The following SLC39A12 variants were observed in gnomAD, a reference collection of about 807,000 sequenced individuals.
SLC39A12 encodes the protein solute carrier family 39 member 12.
Under a neutral mutation model 71.1 loss-of-function variants are expected in SLC39A12, and 63 were observed. The ratio of observed to expected loss-of-function variants is 0.89; its 90% CI spans 0.72 to 1.09. SLC39A12 has a LOEUF of 1.09. Ranked by LOEUF, SLC39A12 falls within the 50% of genes least tolerant of loss-of-function variation. The pLI, the probability that SLC39A12 is intolerant of heterozygous loss-of-function variation, is 0.00. For synonymous variants in SLC39A12, 351 were observed against 301.3 expected, an observed-to-expected ratio of 1.16 and a Z score of -1.71; for missense variants, 892 against 812.6, an observed-to-expected ratio of 1.10 and a Z score of -1.19.
In SLC39A12 at chr10:17,970,903, G is replaced by T. The variant is rs190993141; in HGVS notation, c.751+5213G>T. On this transcript the variant is annotated intron_variant, in intron 4 of 12. Transcript: ENST00000377369. ...CCAGATCTGAGAGAAAGGGCTTTCA[G>T]TTTGTTCTCATTCATTATGATACTA... Among the ~76,000 whole-genome samples the T allele has an allele frequency of 1.3e-3, 191 of 152,122 alleles. 1 individual carries two copies. The highest frequency in any genetic ancestry group is 4.4e-3 in the African/African-American group (183 of 41,496).
At chr10:18,018,377 T>G (rs1836440707) in intron 12 of SLC39A12, among the ~76,000 whole-genome samples, 1 of 152,208 alleles carries the variant, frequency 6.6e-6, no homozygotes, top group South Asian at 2.1e-4. Context: ...TTTATTTCCA[T>G]TTCTTGTCTT....
chr10:18,035,969 G>C (rs1395033413), intron 12 of SLC39A12, among the ~76,000 whole-genome samples: 1 of 152,172 alleles, frequency 6.6e-6, no homozygotes, highest in Non-Finnish European at 1.5e-5. Context: ...CGGGGGTCAG[G>C]GGTCAGGGAC....
intron 4 of SLC39A12, among the ~76,000 whole-genome samples, chr10:17,967,698 A>G (rs1054726019): frequency 2.0e-5 from 3 of 151,742 alleles, no homozygotes; most frequent in Non-Finnish European, 4.4e-5. Flanking sequence ...CCTGGCTAAC[A>G]CGGTGAAACC....
intron 12 of SLC39A12, among the ~76,000 whole-genome samples, chr10:18,038,383 G>A (rs1184623052): frequency 6.6e-6 from 1 of 152,070 alleles, no homozygotes; most frequent in Non-Finnish European, 1.5e-5. Context: ...TAAAAATTTG[G>A]GACAATTTTG....
intron 4 of SLC39A12, among the ~76,000 whole-genome samples, chr10:17,973,770 G>A (rs1237618632): frequency 6.6e-6 from 1 of 151,980 alleles, no homozygotes; most frequent in Non-Finnish European, 1.5e-5. Context: ...GGATATTGAT[G>A]GCTTTCTTTA....
chr10:18,040,319 G>A (rs1053270734), intron 12 of SLC39A12, among the ~76,000 whole-genome samples: 2 of 152,174 alleles, frequency 1.3e-5, no homozygotes, highest in African/African-American at 4.8e-5. Flanking sequence ...CAGGAGAGCA[G>A]TTCTGGATCC....
intron 12 of SLC39A12, among the ~76,000 whole-genome samples, chr10:18,006,746 C>T (rs112483008): frequency 2.6e-5 from 4 of 152,226 alleles, no homozygotes; most frequent in African/African-American, 9.6e-5. Flanking sequence ...ACTGGCCCTG[C>T]CAGCATTATC....
intron 4 of SLC39A12, among the ~76,000 whole-genome samples, chr10:17,971,865 T>G (rs1834983482): frequency 6.6e-6 from 1 of 152,162 alleles, no homozygotes; most frequent in Admixed American, 6.5e-5. Flanking sequence ...TTTCTTTGCT[T>G]CTACTCATTT....
intron 10 of SLC39A12, among the ~76,000 whole-genome samples, chr10:17,997,264 G>A (rs1191234138): frequency 2.0e-5 from 3 of 152,168 alleles, no homozygotes; most frequent in Non-Finnish European, 2.9e-5. Flanking sequence ...AGCTTGGGAT[G>A]TAGTCAGGGA....
intron 6 of SLC39A12, among the ~76,000 whole-genome samples, chr10:17,983,484 C>T (rs913043033): frequency 7.2e-5 from 11 of 151,810 alleles, no homozygotes; most frequent in Non-Finnish European, 1.5e-5. Flanking sequence ...GAGACCCTGT[C>T]TTAAAAACAA....
intron 12 of SLC39A12, among the ~76,000 whole-genome samples, chr10:18,041,891 A>G (rs912803985): frequency 6.7e-5 from 10 of 148,308 alleles, no homozygotes; most frequent in African/African-American, 2.2e-4. Flanking sequence ...ATACACACAT[A>G]TATGTATATG....
At position 18,033,455 on chromosome 10, in the gene SLC39A12, C is replaced by T. The variant is rs1192662599; in HGVS notation, c.1948-9250C>T. Among the ~76,000 whole-genome samples, 7 of 151,288 alleles carry T rather than the reference C, an allele frequency of 4.6e-5. No individual in the cohort carries two copies. The South Asian group carries it at 8.4e-4, about 18-fold the overall frequency. On this transcript the variant is annotated intron_variant, in intron 12 of 12. Transcript: ENST00000377369. ...ATTTGCGTAGAGGTGTTTGTAGTATCCTCTGACGGTAGTTTGTATTTCTGT... is the reference window on the plus strand; with the variant it reads ...ATTTGCGTAGAGGTGTTTGTAGTATTCTCTGACGGTAGTTTGTATTTCTGT...
chr10:17,983,215 G>A (rs1835312735), intron 6 of SLC39A12, among the ~76,000 whole-genome samples: 1 of 148,510 alleles, frequency 6.7e-6, no homozygotes, highest in South Asian at 2.1e-4. Context: ...GAAAGGCCAG[G>A]TGCAGTGTCT....
chr10:17,958,262 C>T (rs1437329337), intron 2 of SLC39A12, among the ~76,000 whole-genome samples: 3 of 152,136 alleles, frequency 2.0e-5, no homozygotes, highest in Non-Finnish European at 4.4e-5. Context: ...TGTGCTCATA[C>T]ACCAAGCCCT....
At position 17,977,998 on chromosome 10, in the gene SLC39A12, C is replaced by A. The variant is rs1270356685; in HGVS notation, c.848C>A (p.Thr283Asn). The A allele has an allele frequency of 5.6e-6, 9 of 1,610,766 alleles. No individual in the cohort carries two copies. The highest frequency in any genetic ancestry group is 7.6e-6 in the Non-Finnish European group (9 of 1,178,658). Residue 283 changes from threonine (T) to asparagine (N), a missense_variant, in exon 5 of 13, where the codon ACC becomes AAC. Physicochemically the swap from Thr to Asn is moderately conservative, Grantham distance 65. Transcript: ENST00000377369. ...CAAAGGAAACAAAACAACATAATAA[C>A]CCATGATCAGGACTATTCTAATTTC... is the stretch of plus-strand genomic sequence containing the variant. ...QFQRKQNNIITHDQDYSNFSS... is the reference protein window; with the variant it reads ...QFQRKQNNIINHDQDYSNFSS...
chr10:17,997,022 C>CAAAAAAAAAAAAAAAAA (rs71924913), intron 10 of SLC39A12, among the ~76,000 whole-genome samples: 4 of 115,478 alleles, frequency 3.5e-5, no homozygotes, highest in Non-Finnish European at 5.1e-5. Flanking sequence ...GACTCCGTCT[C>CAAAAAAAAAAAAAAAAA]AAAAAAAAAA....
At position 17,971,297 on chromosome 10, in the gene SLC39A12, CTTCCT is replaced by C. The variant is rs1319592494; in HGVS notation, c.751+5613_751+5617del. ...CTCCCCTCCCCTCCCCTCCCCTCCC[CTTCCT>C]TTCCTGATGTGTCTTTGGTTTGGGT... On this transcript the variant is annotated intron_variant, in intron 4 of 12. Coordinates refer to ENST00000377369, the MANE Select transcript of SLC39A12 (RefSeq NM_001145195.2). Among the ~76,000 whole-genome samples the C allele has an allele frequency of 6.6e-3, 812 of 122,570 alleles. 20 individuals carry two copies. Among genetic ancestry groups the C allele is most frequent in the African/African-American group, 0.021 (674 of 31,984 alleles). 80.4% of individuals were successfully genotyped at this position (122,570 alleles called of 152,430 possible). A position where few individuals can be genotyped will look rare whatever the true frequency, so the allele number is the denominator to read the frequency against.
At chr10:18,042,551 A>T (rs16916794) in intron 12 of SLC39A12, among the ~76,000 whole-genome samples, 154 bp from the exon 13 acceptor site, 12,886 of 151,938 alleles carry the variant, frequency 0.085, 712 homozygotes, top group East Asian at 0.21. Context: ...CATTTCAAAG[A>T]CATGGTAGAG....
At chr10:17,974,633 T>A (rs1181416527) in intron 4 of SLC39A12, among the ~76,000 whole-genome samples, 1 of 152,184 alleles carries the variant, frequency 6.6e-6, no homozygotes, top group Non-Finnish European at 1.5e-5. Flanking sequence ...TCTCTCACTC[T>A]CTGTTCTGAG....
Sources: gnomAD v4.1 joint callset for allele counts (sites outside exome capture counted in the v4.1 genomes callset) on GRCh38, gnomAD v4.1.1 for gene constraint, MANE v1.5 for transcripts, NCBI Gene and HGNC (gene_info 2026-07-23, HGNC 2026-07-21) for gene names.